FBN2: variants seen among roughly 807,000 people sequenced by gnomAD.
The protein encoded by FBN2 is fibrillin-2.
FBN2 carries 105 observed loss-of-function variants against 355.6 expected under a neutral mutation model. The observed-to-expected ratio is 0.30, with a 90% CI of 0.25 to 0.35. The LOEUF (loss-of-function observed/expected upper bound fraction) is 0.35. FBN2 is among the 10% of genes least tolerant of loss of function. The pLI is 1.00. For missense variants in FBN2, 3,280 were observed against 3,758.7 expected (o/e 0.87, Z 3.33); for synonymous variants, 1,350 against 1,301.2 (o/e 1.04, Z -0.81).
intron 6 of FBN2, among the ~76,000 whole-genome samples, chr5:128,464,303 C>T (rs1010745313): frequency 6.6e-6 from 1 of 151,992 alleles, no homozygotes; most frequent in Non-Finnish European, 1.5e-5. Flanking sequence ...TGATAGAGGG[C>T]CAATATTAGG....
chr5:128,455,668 T>C (rs35983844), intron 6 of FBN2, among the ~76,000 whole-genome samples: 27,239 of 151,482 alleles, frequency 0.18, 2,792 homozygotes, highest in African/African-American at 0.28. Context: ...GGATGAGTAG[T>C]GTGGTGCCAC....
chr5:128,467,819 G>A (rs1321066333), intron 5 of FBN2, among the ~76,000 whole-genome samples: 1 of 152,140 alleles, frequency 6.6e-6, no homozygotes, highest in African/African-American at 2.4e-5. Flanking sequence ...TTGCTAGTTT[G>A]ATTTTCTAAT....
In FBN2 at chr5:128,330,660, T is replaced by C. The variant is rs1407868144; in HGVS notation, c.4258A>G (p.Ser1420Gly). 10 of 1,613,802 alleles carry C rather than the reference T, an allele frequency of 6.2e-6. No individual in the cohort carries two copies. The highest frequency in any genetic ancestry group is 1.3e-5 in the African/African-American group (1 of 74,906). Residue 1420 changes from serine (S) to glycine (G), a missense_variant, in exon 33 of 65, where the codon AGC (serine) becomes GGC (glycine). Ser to Gly is a moderately conservative substitution (Grantham distance 56). This residue lies in a region of FBN2 where 2,284 missense variants were observed against 2,749.5 expected (regional missense o/e 0.83). Transcript: ENST00000262464. The stretch of plus-strand genomic sequence containing the variant: ...GTATTTACACACTGAGCATTGATGC[T>C]ACACTGGTGGGTTCCATTAGAACAT... ...DECSNGTHQC[S>G]INAQCVNTPG...
At position 128,312,068 on chromosome 5, in the gene FBN2, A is replaced by G; in HGVS notation, c.4880-115T>C. Reference sequence around the variant, plus strand: ...ATACTCATCCTAAGGGGTGTATCCAAATTTTTCTTAGTGCCCTTTCAAATA... The same window carrying G: ...ATACTCATCCTAAGGGGTGTATCCAGATTTTTCTTAGTGCCCTTTCAAATA... On this transcript the variant is annotated intron_variant, in intron 37 of 64. Coordinates refer to ENST00000262464, the MANE Select transcript of FBN2 (RefSeq NM_001999.4). 5 of 711,472 alleles carry G rather than the reference A, an allele frequency of 7.0e-6. No homozygotes were observed. The South Asian group carries it at 7.7e-5, about 11-fold the overall frequency. The allele number at this position is 711,472 out of a possible 1,614,324, so 44.1% of individuals were successfully genotyped here. A position where few individuals can be genotyped will look rare whatever the true frequency, so the allele number is the denominator to read the frequency against.
chr5:128,285,139 C>T (rs764881072), intron 55 of FBN2, among the ~76,000 whole-genome samples: 11 of 152,174 alleles, frequency 7.2e-5, no homozygotes, highest in Admixed American at 1.3e-4. Flanking sequence ...TCTTAGATTT[C>T]CTGTATAACT....
chr5:128,453,865 C>T (rs1754318771), intron 6 of FBN2, among the ~76,000 whole-genome samples: 1 of 152,016 alleles, frequency 6.6e-6, no homozygotes, highest in Non-Finnish European at 1.5e-5. Context: ...GGTGGTGTGA[C>T]TCTTATATTT....
chr5:128,404,481 G>A (rs1349823882), intron 8 of FBN2, among the ~76,000 whole-genome samples: 3 of 152,212 alleles, frequency 2.0e-5, no homozygotes, highest in Non-Finnish European at 2.9e-5. Flanking sequence ...GTTAGCTCTT[G>A]CTTTATGAGC....
At chr5:128,392,267 T>C in intron 10 of FBN2, 112 bp from the exon 11 acceptor site, 1 of 874,300 alleles carries the variant, frequency 1.1e-6, no homozygotes. Flanking sequence ...TATCAGAAGC[T>C]CATATTTTAT....
At chr5:128,406,429 T>C (rs1752928954) in intron 8 of FBN2, among the ~76,000 whole-genome samples, 1 of 152,232 alleles carries the variant, frequency 6.6e-6, no homozygotes, top group African/African-American at 2.4e-5. Context: ...CAGCATACGA[T>C]TTCTTTCCTT....
intron 8 of FBN2, among the ~76,000 whole-genome samples, chr5:128,403,694 G>C (rs777168411): frequency 6.6e-6 from 1 of 151,526 alleles, no homozygotes; most frequent in East Asian, 1.9e-4. Context: ...TATTAGGTAC[G>C]TTTTAACTCC....
chr5:128,374,537 G>A (rs1752030783), intron 15 of FBN2, 91 bp downstream of exon 15: 3 of 1,530,230 alleles, frequency 2.0e-6, no homozygotes, highest in Non-Finnish European at 2.7e-6. Flanking sequence ...CTCTTCTTAT[G>A]GTGAATATTA....
At chr5:128,477,892 C>T (rs1033114884) in intron 5 of FBN2, among the ~76,000 whole-genome samples, 5 of 152,180 alleles carry the variant, frequency 3.3e-5, no homozygotes, top group Non-Finnish European at 4.4e-5. Flanking sequence ...TTTATCCCTT[C>T]CCTTGTTTTA....
At chr5:128,317,786 C>T (rs890863768) in intron 36 of FBN2, among the ~76,000 whole-genome samples, 1 of 152,150 alleles carries the variant, frequency 6.6e-6, no homozygotes, top group Non-Finnish European at 1.5e-5. Context: ...ATTTACTTTG[C>T]TATATGACCC....
At chr5:128,471,268 T>C (rs1308864457) in intron 5 of FBN2, among the ~76,000 whole-genome samples, 1 of 152,056 alleles carries the variant, frequency 6.6e-6, no homozygotes, top group African/African-American at 2.4e-5. Flanking sequence ...TGTATTTCAA[T>C]GATGAGGTTA....
intron 5 of FBN2, among the ~76,000 whole-genome samples, chr5:128,511,055 T>C (rs1475462529): frequency 6.6e-6 from 1 of 152,212 alleles, no homozygotes; most frequent in Non-Finnish European, 1.5e-5. Flanking sequence ...GTATTTATCA[T>C]AGTAAAAGTT....
rs556021199 is a variant in FBN2 at position 128,309,865 on chromosome 5, A to G, written c.5200+118T>C. The G allele has an allele frequency of 1.2e-4, 139 of 1,169,036 alleles. No homozygotes were observed. In the East Asian group the frequency reaches 3.0e-3, roughly 25 times the overall value. The allele number at this position is 1,169,036 out of a possible 1,614,324, so 72.4% of individuals were successfully genotyped here. A position where few individuals can be genotyped will look rare whatever the true frequency, so the allele number is the denominator to read the frequency against. On this transcript the variant is annotated intron_variant, in intron 40 of 64. Coordinates refer to ENST00000262464, the MANE Select transcript of FBN2 (RefSeq NM_001999.4). ...AGCCAGCAGCTTGCAAGACTCTGAA[A>G]TATCTCAATTCACGAAGACTGAACT...
At chr5:128,503,318 A>G (rs186319309) in intron 5 of FBN2, among the ~76,000 whole-genome samples, 52 of 152,340 alleles carry the variant, frequency 3.4e-4, no homozygotes, top group Non-Finnish European at 5.1e-4. Flanking sequence ...TGGCATGAGA[A>G]CAGACTACTA....
At chr5:128,305,394 A>G in intron 44 of FBN2, 117 bp downstream of exon 44, 1 of 1,165,250 alleles carries the variant, frequency 8.6e-7, no homozygotes. Context: ...TAGGTTCACT[A>G]TAAATGAACA....
chr5:128,522,538 T>C (rs938218632), intron 4 of FBN2, among the ~76,000 whole-genome samples: 16 of 152,200 alleles, frequency 1.1e-4, no homozygotes, highest in African/African-American at 3.6e-4. Context: ...TCTACATTCT[T>C]AATTTCCTTC....
Sources: allele counts gnomAD v4.1 joint callset (sites outside exome capture counted in the v4.1 genomes callset), GRCh38; gene constraint gnomAD v4.1.1; regional missense constraint gnomAD v4.1.1; transcripts MANE v1.5; gene names NCBI Gene and HGNC (gene_info 2026-07-23, HGNC 2026-07-21).